The following TMCC2 variants were observed in gnomAD, a reference collection of about 807,000 sequenced individuals.
TMCC2 encodes transmembrane and coiled-coil domains protein 2.
In TMCC2, 16 loss-of-function variants were observed where a neutral mutation model predicts 49.4. The observed-to-expected ratio is 0.32, with a 90% CI of 0.22 to 0.49. The LOEUF (loss-of-function observed/expected upper bound fraction) is 0.49. TMCC2 is among the 20% of genes least tolerant of loss of function. The pLI is 0.99. For missense variants in TMCC2, 762 were observed against 989.8 expected (o/e 0.77, Z 3.09); for synonymous variants, 397 against 434.1 (o/e 0.91, Z 1.06).
At chr1:205,234,956 G>A (rs1659975540) in intron 1 of TMCC2, among the ~76,000 whole-genome samples, 1 of 152,112 alleles carries the variant, frequency 6.6e-6, no homozygotes, top group Non-Finnish European at 1.5e-5. Context: ...ACTGCGCACG[G>A]CCTAGAGCAA....
Position 205,241,743 on chromosome 1 carries a change from A to AC in TMCC2, c.448dup (p.Arg150ProfsTer37). 1 of 1,612,934 alleles carries AC rather than the reference A, an allele frequency of 6.2e-7. No homozygotes were observed. The highest frequency in any genetic ancestry group is 8.5e-7 in the Non-Finnish European group (1 of 1,179,960). ...CTGCCCGCCCGGCCCACCGCCTTCAACCGCGTGCTGCAGCAGATCCGCTCC... is the reference window on the plus strand; with the variant it reads ...CTGCCCGCCCGGCCCACCGCCTTCAACCCGCGTGCTGCAGCAGATCCGCTCC... On this transcript the variant is annotated frameshift_variant, in exon 2 of 5. Transcript: ENST00000358024. LOFTEE classifies it high-confidence loss of function. This position sits in a 1 kb window ranked among gnomAD's most constrained non-coding sequence, Gnocchi z 7.3.
intron 1 of TMCC2, among the ~76,000 whole-genome samples, chr1:205,235,852 G>A (rs1660019276): frequency 6.6e-6 from 1 of 152,050 alleles, no homozygotes. Flanking sequence ...GGGGGGTCAC[G>A]AGGTCAGGAG....
At chr1:205,242,999 C>CTTG (rs1660329798) in intron 2 of TMCC2, among the ~76,000 whole-genome samples, 1 of 152,202 alleles carries the variant, frequency 6.6e-6, no homozygotes, top group African/African-American at 2.4e-5. Context: ...CACAAAAGGC[C>CTTG]TTGCCATGTT....
intron 2 of TMCC2, among the ~76,000 whole-genome samples, chr1:205,263,258 A>G (rs1421565559): frequency 1.3e-5 from 2 of 152,090 alleles, no homozygotes; most frequent in African/African-American, 4.8e-5. Context: ...TGCCACCGTG[A>G]TGTCTTCAGA....
chr1:205,251,784 A>T lies in TMCC2; in HGVS notation c.747+9740A>T, dbSNP rs1308734872. On this transcript the variant is annotated intron_variant, in intron 2 of 4. Coordinates refer to ENST00000358024, the MANE Select transcript of TMCC2 (RefSeq NM_014858.4). ...ATGTCCTTTTGAAAGCCTTCCTGGC[A>T]TCAACAGTCAGCTGAACAGCATGCT... is the stretch of plus-strand genomic sequence containing the variant. 2.0e-5 allele frequency among the ~76,000 whole-genome samples: 3 copies of T among 152,336 alleles called. No homozygotes were observed. The East Asian group carries it at 5.8e-4, about 29-fold the overall frequency.
In TMCC2 at chr1:205,241,960, C is replaced by A. The variant is rs1450085724; in HGVS notation, c.663C>A (p.Ser221=). ...AGCACCAGTGCCGTCCCCGCTCTTC[C>A]TCCACCACCGACACTGCTCTGCTGC... ...LHQHQCRPRS[S]STTDTALLLA... The change falls in exon 2 of 5, where the codon TCC becomes TCA. Residue 221 remains serine, a synonymous_variant. Coordinates refer to ENST00000358024, the MANE Select transcript of TMCC2 (RefSeq NM_014858.4). The surrounding 1 kb of genome is among the most constrained non-coding windows in gnomAD (Gnocchi z 7.3). 27 of 1,611,620 alleles carry A rather than the reference C, an allele frequency of 1.7e-5. No homozygotes were observed. The highest frequency in any genetic ancestry group is 2.3e-5 in the Non-Finnish European group (27 of 1,179,924).
intron 2 of TMCC2, among the ~76,000 whole-genome samples, chr1:205,263,725 G>A (rs1423798202): frequency 6.6e-6 from 1 of 152,122 alleles, no homozygotes; most frequent in African/African-American, 2.4e-5. Flanking sequence ...AAAAAAGCCT[G>A]CAGTCTTAGC....
intron 3 of TMCC2, among the ~76,000 whole-genome samples, chr1:205,270,233 C>A (rs754686642): frequency 1.1e-4 from 16 of 152,128 alleles, no homozygotes; most frequent in Non-Finnish European, 2.1e-4. Flanking sequence ...TTTTTAGTAG[C>A]GACAGCGTTT....
At chr1:205,258,642 T>C (rs1413086997) in intron 2 of TMCC2, among the ~76,000 whole-genome samples, 2 of 152,108 alleles carry the variant, frequency 1.3e-5, no homozygotes, top group Admixed American at 6.5e-5. Flanking sequence ...GGGCTATTCC[T>C]GCTGAGTTGA....
Position 205,229,480 on chromosome 1 carries a change from C to G in TMCC2, c.207+709C>G, listed in dbSNP as rs375219824. On this transcript the variant is annotated intron_variant, in intron 1 of 4. Transcript: ENST00000358024. ...GGATTACAGGCGTGAGCCACCGTGC[C>G]GGGCCCCATTGGGATCTTTGAGCGC... 842 of 329,220 alleles carry G rather than the reference C, an allele frequency of 2.6e-3. 11 individuals are homozygous for G. Among genetic ancestry groups the G allele is most frequent in the African/African-American group, 0.019 (807 of 41,520 alleles). The allele number at this position is 329,220 out of a possible 1,614,324, so 20.4% of individuals were successfully genotyped here.
rs1659648646 is a variant in TMCC2 at position 205,228,208 on chromosome 1, G to C, written c.-357G>C. 1 of 160,338 alleles carries C rather than the reference G, an allele frequency of 6.2e-6. No individual in the cohort carries two copies. Among genetic ancestry groups the C allele is most frequent in the Non-Finnish European group, 1.4e-5 (1 of 73,982 alleles). 9.9% of individuals were successfully genotyped at this position (160,338 alleles called of 1,614,324 possible). ...CGGGAGGGATGCGCTGTGCCGCCCAGCTCCTCTCCGTCCTGCCCATGCCCT... is the reference window on the plus strand; with the variant it reads ...CGGGAGGGATGCGCTGTGCCGCCCACCTCCTCTCCGTCCTGCCCATGCCCT... On this transcript the variant is annotated 5_prime_UTR_variant, in exon 1 of 5. Transcript: ENST00000358024.
chr1:205,272,206 T>C lies in TMCC2; in HGVS notation c.*82T>C. On this transcript the variant is annotated 3_prime_UTR_variant, in exon 5 of 5. Transcript: ENST00000358024. ...GGAGGGACCCTTGGACTTCTTTGTG[T>C]GTCCAGTTTGGCCTCCTGCCCAAAC... The C allele has an allele frequency of 1.3e-6, 2 of 1,534,610 alleles. No homozygotes were observed. The highest frequency in any genetic ancestry group is 1.8e-6 in the Non-Finnish European group (2 of 1,140,376).
intron 4 of TMCC2, chr1:205,271,479 G>A (rs1309620983): frequency 1.4e-6 from 1 of 726,130 alleles, no homozygotes; most frequent in Non-Finnish European, 2.2e-6. Context: ...AGCCCACAGG[G>A]CAGAGGCCAC....
intron 1 of TMCC2, among the ~76,000 whole-genome samples, chr1:205,238,616 G>A (rs773696667): frequency 6.6e-6 from 1 of 152,184 alleles, no homozygotes; most frequent in Non-Finnish European, 1.5e-5. Context: ...GGTCACAACA[G>A]CAGTTCAGGG....
chr1:205,239,954 T>C (rs1244762404), intron 1 of TMCC2, among the ~76,000 whole-genome samples: 1 of 152,124 alleles, frequency 6.6e-6, no homozygotes, highest in African/African-American at 2.4e-5. Context: ...TTTTCTGCTC[T>C]GTAAGTTTGT....
intron 1 of TMCC2, chr1:205,233,960 G>T (rs1331961896): frequency 6.6e-6 from 1 of 152,054 alleles, no homozygotes; most frequent in Non-Finnish European, 1.5e-5. Flanking sequence ...AACGTAGGTG[G>T]AATGAAGATA....
chr1:205,242,587 A>G (rs1443562407), intron 2 of TMCC2, among the ~76,000 whole-genome samples: 1 of 152,246 alleles, frequency 6.6e-6, no homozygotes, highest in African/African-American at 2.4e-5. Flanking sequence ...CTAGTTTAGC[A>G]CTTCATGAAT....
intron 2 of TMCC2, among the ~76,000 whole-genome samples, chr1:205,248,510 G>A (rs1660542701): frequency 6.6e-6 from 1 of 152,190 alleles, no homozygotes; most frequent in Admixed American, 6.5e-5. Flanking sequence ...TGTAAAGTGG[G>A]GAAAAAGTTG....
intron 2 of TMCC2, among the ~76,000 whole-genome samples, chr1:205,266,157 C>T (rs1034064212): frequency 2.7e-5 from 4 of 148,932 alleles, no homozygotes; most frequent in Non-Finnish European, 1.5e-5. Context: ...AGGAGAATGG[C>T]GTGAACCCCG....
Sources: gnomAD v4.1 joint callset for allele counts (sites outside exome capture counted in the v4.1 genomes callset) on GRCh38, gnomAD v4.1.1 for gene constraint, Gnocchi (gnomAD v3.1) non-coding constraint, MANE v1.5 for transcripts, NCBI Gene and HGNC (gene_info 2026-07-23, HGNC 2026-07-21) for gene names.